The following GLI3 variants were observed in gnomAD, a reference collection of about 807,000 sequenced individuals.
GLI3 encodes transcription activator GLI3.
Under a neutral mutation model 100.8 loss-of-function variants are expected in GLI3, and 20 were observed. The ratio of observed to expected loss-of-function variants is 0.20; its 90% CI spans 0.14 to 0.29. The LOEUF (loss-of-function observed/expected upper bound fraction) is 0.29. Among genes scored for constraint, GLI3 ranks in the 10% least tolerant of loss-of-function variants. The probability of loss-of-function intolerance (pLI) is 1.00; values close to 1 mark genes in which losing one functional copy is unlikely to be tolerated. For synonymous variants in GLI3, 938 were observed against 860.5 expected (o/e 1.09, Z -1.58); for missense variants, 2,040 against 2,128.5 (o/e 0.96, Z 0.82).
At chr7:42,070,860 T>A (rs1268070598) in intron 4 of GLI3, among the ~76,000 whole-genome samples, 1 of 152,162 alleles carries the variant, frequency 6.6e-6, no homozygotes, top group African/African-American at 2.4e-5. Flanking sequence ...TAGCACTCAG[T>A]CATATAAGGG....
intron 2 of GLI3, among the ~76,000 whole-genome samples, chr7:42,182,660 A>ATATACGTGTGTG (rs1554337047): frequency 6.8e-5 from 4 of 59,138 alleles, no homozygotes; most frequent in South Asian, 1.2e-3. Flanking sequence ...ATATATATAT[A>ATATACGTGTGTG]TATATATATA....
intron 3 of GLI3, among the ~76,000 whole-genome samples, chr7:42,134,136 T>G (rs1056811050): frequency 1.3e-5 from 2 of 150,244 alleles, no homozygotes; most frequent in African/African-American, 2.4e-5. Context: ...AAAAAGGAAC[T>G]CTAAGGTGGG....
rs1278379366 is a variant in GLI3, at chr7:41,963,048, G to A, written c.*1282C>T. 6.6e-6 allele frequency: 1 copy of A among 152,158 alleles called. No homozygotes were observed. The highest frequency in any genetic ancestry group is 6.5e-5 in the Admixed American group (1 of 15,278). The allele number at this position is 152,158 out of a possible 1,614,324, so 9.4% of individuals were successfully genotyped here. ...ATCCAGTCCACATTAAGGACTAACT[G>A]CATGTAACATTTAACTTCGTGAATG... On this transcript the variant is annotated 3_prime_UTR_variant, in exon 15 of 15. Transcript: ENST00000395925.
chr7:41,962,515 T>C lies in GLI3; in HGVS notation c.*1815A>G, dbSNP rs1562655279. The stretch of plus-strand genomic sequence containing the variant: ...CCGTTAATTTCAAAGAAGACTTACA[T>C]GGGGGAGAACAGCAGGCATGGAAGG... On this transcript the variant is annotated 3_prime_UTR_variant, in exon 15 of 15. Transcript: ENST00000395925. 1 of 152,180 alleles carries C rather than the reference T, an allele frequency of 6.6e-6. No homozygotes were observed. Among genetic ancestry groups the C allele is most frequent in the Non-Finnish European group, 1.5e-5 (1 of 68,048 alleles). The allele number at this position is 152,180 out of a possible 1,614,324, so 9.4% of individuals were successfully genotyped here.
intron 1 of GLI3, among the ~76,000 whole-genome samples, chr7:42,248,154 C>A (rs147214775): frequency 1.3e-5 from 2 of 152,232 alleles, no homozygotes; most frequent in East Asian, 3.9e-4. Flanking sequence ...CCTAAAGACC[C>A]CCATATCTCA....
chr7:41,967,560 A>C (rs768179361), intron 14 of GLI3, 36 bp downstream of exon 14: 9 of 1,473,282 alleles, frequency 6.1e-6, no homozygotes, highest in East Asian at 4.5e-5. Context: ...AGAAAAAAAA[A>C]CCCTGAGCAG....
intron 2 of GLI3, among the ~76,000 whole-genome samples, chr7:42,185,114 T>G: frequency 6.6e-6 from 1 of 152,284 alleles, no homozygotes; most frequent in Admixed American, 6.5e-5. Flanking sequence ...CTACACAGTT[T>G]GGTGTCTTCC....
At chr7:42,001,268 AG>A (rs1472072916) in intron 10 of GLI3, among the ~76,000 whole-genome samples, 3 of 149,920 alleles carry the variant, frequency 2.0e-5, no homozygotes, top group Non-Finnish European at 4.5e-5. Context: ...AAAAAAAAAA[AG>A]GGGAAACAAA....
At chr7:42,240,308 G>C (rs879737836), upstream of GLI3, among the ~76,000 whole-genome samples, 9 of 152,128 alleles carry the variant, frequency 5.9e-5, no homozygotes, top group Non-Finnish European at 8.8e-5. Flanking sequence ...TTTCTTTCTT[G>C]TTGTTGCAAC....
chr7:42,169,265 CAT>C (rs766992075), intron 2 of GLI3, among the ~76,000 whole-genome samples: 3 of 152,260 alleles, frequency 2.0e-5, no homozygotes, highest in Non-Finnish European at 4.4e-5. Flanking sequence ...TATATTCAAA[CAT>C]ATGCAATATA....
At chr7:42,012,086 A>C (rs1051596782) in intron 10 of GLI3, among the ~76,000 whole-genome samples, 1 of 152,144 alleles carries the variant, frequency 6.6e-6, no homozygotes, top group African/African-American at 2.4e-5. Flanking sequence ...CCCAAGTGTC[A>C]GCGCAATATA....
intron 3 of GLI3, among the ~76,000 whole-genome samples, chr7:42,111,756 G>A (rs748341366): frequency 2.6e-5 from 4 of 152,170 alleles, no homozygotes; most frequent in Non-Finnish European, 5.9e-5. Context: ...TCCTCAGCTC[G>A]CTCTCTTTAG....
chr7:42,041,643 A>C (rs983738251), intron 6 of GLI3, among the ~76,000 whole-genome samples: 1 of 152,128 alleles, frequency 6.6e-6, no homozygotes, highest in Non-Finnish European at 1.5e-5. Flanking sequence ...ATCTTTCTTT[A>C]TTTAAAAAAA....
chr7:42,197,561 C>T (rs1027208017), intron 2 of GLI3, among the ~76,000 whole-genome samples: 1 of 152,194 alleles, frequency 6.6e-6, no homozygotes, highest in Admixed American at 6.5e-5. Flanking sequence ...CTCTTCATTA[C>T]GTAACTTGAA....
At chr7:42,221,865 T>C (rs549147802) in intron 2 of GLI3, among the ~76,000 whole-genome samples, 6 of 152,288 alleles carry the variant, frequency 3.9e-5, no homozygotes, top group African/African-American at 1.4e-4. Context: ...TTAAATACCA[T>C]CAATAAAGGA....
chr7:42,119,329 T>G (rs1785937626), intron 3 of GLI3, among the ~76,000 whole-genome samples: 1 of 152,170 alleles, frequency 6.6e-6, no homozygotes, highest in Non-Finnish European at 1.5e-5. Context: ...AGAGTTTCTG[T>G]GGGGCCCAGG....
chr7:42,118,322 C>A, intron 3 of GLI3: 1 of 398,594 alleles, frequency 2.5e-6, no homozygotes, highest in South Asian at 1.3e-4. Flanking sequence ...ACTGAATTCT[C>A]CACAGCAGAT....
At chr7:42,049,684 C>G (rs1784314526) in intron 4 of GLI3, among the ~76,000 whole-genome samples, 1 of 152,238 alleles carries the variant, frequency 6.6e-6, no homozygotes, top group Non-Finnish European at 1.5e-5. Flanking sequence ...GCCACAGCCA[C>G]ACCCTGAGAC....
At chr7:42,091,749 G>A (rs570311153) in intron 3 of GLI3, among the ~76,000 whole-genome samples, 7 of 152,312 alleles carry the variant, frequency 4.6e-5, no homozygotes, top group African/African-American at 1.4e-4. Context: ...AGCAATATCC[G>A]CTCGCTCGGC....
Sources: allele counts gnomAD v4.1 joint callset (sites outside exome capture counted in the v4.1 genomes callset), GRCh38; gene constraint gnomAD v4.1.1; transcripts MANE v1.5; gene names NCBI Gene and HGNC (gene_info 2026-07-23, HGNC 2026-07-21).